The following HSD17B14 variants were observed in gnomAD, a reference collection of about 807,000 sequenced individuals.
The protein encoded by HSD17B14 is L-fucose dehydrogenase.
HSD17B14 carries 32 observed loss-of-function variants against 32.2 expected under a neutral mutation model. That is an observed-to-expected ratio of 0.99 (90% CI 0.75 to 1.33). The LOEUF (loss-of-function observed/expected upper bound fraction) is 1.33, where lower values mean the gene tolerates loss of function less well. Ranked by LOEUF, HSD17B14 falls within the 40% of genes most tolerant of loss-of-function variation. The probability of loss-of-function intolerance (pLI) is 0.00; values close to 1 mark genes in which losing one functional copy is unlikely to be tolerated. For missense variants in HSD17B14, 370 were observed against 366.5 expected (o/e 1.01, Z -0.08); for synonymous variants, 140 against 155.4 (o/e 0.90, Z 0.74).
At chr19:48,823,938 G>T (rs967175503) in intron 5 of HSD17B14, among the ~76,000 whole-genome samples, 1 of 150,026 alleles carries the variant, frequency 6.7e-6, no homozygotes, top group African/African-American at 2.4e-5. Flanking sequence ...ACTGCATCCG[G>T]TCTATTTTTC....
At chr19:48,825,669 C>A (rs1157996533) in intron 5 of HSD17B14, among the ~76,000 whole-genome samples, 2 of 152,006 alleles carry the variant, frequency 1.3e-5, no homozygotes, top group African/African-American at 4.8e-5. Context: ...CACAATTGGC[C>A]CCATTTCACA....
At chr19:48,822,947 G>A (rs962091677) in intron 5 of HSD17B14, among the ~76,000 whole-genome samples, 18 of 152,114 alleles carry the variant, frequency 1.2e-4, no homozygotes, top group African/African-American at 4.1e-4. Flanking sequence ...TGGAAATAAC[G>A]ATGGTGATAA....
chr19:48,821,857 GATA>G (rs1359623555), intron 5 of HSD17B14, among the ~76,000 whole-genome samples: 14 of 152,002 alleles, frequency 9.2e-5, no homozygotes, highest in African/African-American at 2.7e-4. Context: ...GGATGATGAT[GATA>G]ATGATAGTGA....
chr19:48,831,024 G>C (rs2035327944), intron 5 of HSD17B14, among the ~76,000 whole-genome samples: 2 of 151,792 alleles, frequency 1.3e-5, no homozygotes, highest in Non-Finnish European at 2.9e-5. Context: ...TGTAGAGATG[G>C]GGGGTTTCGC....
At chr19:48,814,881 C>T (rs893360770) in intron 6 of HSD17B14, among the ~76,000 whole-genome samples, 156 bp downstream of exon 6, 12 of 151,690 alleles carry the variant, frequency 7.9e-5, no homozygotes, top group Admixed American at 6.6e-4. Flanking sequence ...AGAAATCTGT[C>T]ACAGGCAGTT....
At chr19:48,826,503 A>C (rs2035248427) in intron 5 of HSD17B14, among the ~76,000 whole-genome samples, 1 of 121,060 alleles carries the variant, frequency 8.3e-6, no homozygotes, top group Non-Finnish European at 1.7e-5. Flanking sequence ...AAAAAAAAAA[A>C]AAAAAAAGTA....
Position 48,825,107 on chromosome 19 carries a change from G to A in HSD17B14, c.369+6561C>T, listed in dbSNP as rs556456152. 2.6e-5 allele frequency among the ~76,000 whole-genome samples: 4 copies of A among 151,996 alleles called. 1 individual carries two copies. Among genetic ancestry groups the A allele is most frequent in the South Asian group, 4.2e-4 (2 of 4,802 alleles). On this transcript the variant is annotated intron_variant, in intron 5 of 8. Coordinates refer to ENST00000263278, the MANE Select transcript of HSD17B14 (RefSeq NM_016246.3). ...ACAAAAATTAGCCAGGTGTGGTGGC[G>A]TGTGCCTGTAGTCCCAGCTATTTGG...
At position 48,831,682 on chromosome 19, in the gene HSD17B14, A is replaced by T. The variant is rs763286489; in HGVS notation, c.355T>A (p.Tyr119Asn). ...QLLELNLLGT[Y>N]TLTKLALPYL... is the part of the protein sequence containing the mutation. ...CCAGCCCTCACCTTGGTCAAGGTGT[A>T]CGTCCCCAGTAGGTTCAGCTCCAGC... Residue 119 changes from tyrosine to asparagine, a missense_variant, in exon 5 of 9, where the codon TAC becomes AAC. By Grantham distance (143) the Tyr-to-Asn change is moderately radical. Transcript: ENST00000263278. 1.1e-5 allele frequency: 17 copies of T among 1,613,668 alleles called. No individual in the cohort carries two copies. The South Asian group carries it at 1.6e-4, about 16-fold the overall frequency.
chr19:48,815,024 G>A lies in HSD17B14; in HGVS notation c.474+13C>T. 2 of 1,599,240 alleles carry A rather than the reference G, an allele frequency of 1.3e-6. No homozygotes were observed. Among genetic ancestry groups the A allele is most frequent in the Non-Finnish European group, 1.7e-6 (2 of 1,167,014 alleles). On this transcript the variant is annotated intron_variant, in intron 6 of 8. Transcript: ENST00000263278. Reference sequence around the variant, plus strand: ...GGAGTAGGGAGGGAAGGAAGGGGTAGGGGCTGCCATACCTTGGTGGCCACA... The same window carrying A: ...GGAGTAGGGAGGGAAGGAAGGGGTAAGGGCTGCCATACCTTGGTGGCCACA...
At chr19:48,828,214 G>C (rs1320815697) in intron 5 of HSD17B14, among the ~76,000 whole-genome samples, 1 of 152,178 alleles carries the variant, frequency 6.6e-6, no homozygotes, top group Non-Finnish European at 1.5e-5. Flanking sequence ...TACAAAAGTT[G>C]TTCATCAGGA....
chr19:48,819,740 C>T (rs1377337060), intron 5 of HSD17B14, among the ~76,000 whole-genome samples: 2 of 152,322 alleles, frequency 1.3e-5, no homozygotes, highest in Middle Eastern at 3.4e-3. Flanking sequence ...TAAAGCAAAA[C>T]ACACTCTTCT....
At position 48,820,904 on chromosome 19, in the gene HSD17B14, A is replaced by C. The variant is rs148860617; in HGVS notation, c.370-5763T>G. Among the ~76,000 whole-genome samples, 756 of 152,126 alleles carry C rather than the reference A, an allele frequency of 5.0e-3. 6 individuals carry two copies. The highest frequency in any genetic ancestry group is 0.017 in the African/African-American group (709 of 41,530). On this transcript the variant is annotated intron_variant, in intron 5 of 8. Coordinates refer to ENST00000263278, the MANE Select transcript of HSD17B14 (RefSeq NM_016246.3). The stretch of plus-strand genomic sequence containing the variant: ...AAATAAGTAGAGACAGGTTTTCACC[A>C]TATTGGCCAGGCTGGTCTCAAACCC...
At chr19:48,828,925 G>C (rs987235163) in intron 5 of HSD17B14, among the ~76,000 whole-genome samples, 1 of 151,882 alleles carries the variant, frequency 6.6e-6, no homozygotes, top group African/African-American at 2.4e-5. Flanking sequence ...AGCCAGGCGT[G>C]GTGGTGAGTG....
At chr19:48,834,199 G>C in intron 3 of HSD17B14, 77 bp downstream of exon 3, 1 of 1,162,576 alleles carries the variant, frequency 8.6e-7, no homozygotes, top group South Asian at 1.3e-5. Flanking sequence ...AGAGGGAAAG[G>C]CATATGCAAA....
At chr19:48,819,966 T>A (rs564360032) in intron 5 of HSD17B14, among the ~76,000 whole-genome samples, 1 of 151,484 alleles carries the variant, frequency 6.6e-6, no homozygotes, top group Admixed American at 6.6e-5. Flanking sequence ...CTGGACAACA[T>A]GGTGAGACTC....
At chr19:48,820,255 C>T (rs1175596010) in intron 5 of HSD17B14, among the ~76,000 whole-genome samples, 33 of 152,118 alleles carry the variant, frequency 2.2e-4, no homozygotes, top group South Asian at 8.3e-4. Context: ...AGGTGGATCA[C>T]CTAAGGTCAA....
intron 5 of HSD17B14, among the ~76,000 whole-genome samples, chr19:48,823,759 T>C (rs1295769618): frequency 6.6e-6 from 1 of 150,790 alleles, no homozygotes; most frequent in Non-Finnish European, 1.5e-5. Context: ...TGCCTCAGCC[T>C]CCCGAGTAGC....
At chr19:48,815,210 C>T (rs762086662) in intron 5 of HSD17B14, 69 bp from the exon 6 acceptor site, 26 of 1,187,838 alleles carry the variant, frequency 2.2e-5, no homozygotes, top group Non-Finnish European at 3.1e-5. Context: ...AACACAGCCA[C>T]AGCCATCCTG....
chr19:48,832,912 C>T lies in HSD17B14; in HGVS notation c.211-180G>A, dbSNP rs922832929. 5.3e-5 allele frequency among the ~76,000 whole-genome samples: 8 copies of T among 151,762 alleles called. No individual in the cohort carries two copies. In the East Asian group the frequency reaches 1.2e-3, roughly 22 times the overall value. ...GGGATTACAGGCGACTGCCACCACG[C>T]CCGGCTAATTTTTGTACTTTTTAGT... is the stretch of plus-strand genomic sequence containing the variant. On this transcript the variant is annotated intron_variant, in intron 3 of 8. Coordinates refer to ENST00000263278, the MANE Select transcript of HSD17B14 (RefSeq NM_016246.3).
Sources: gnomAD v4.1 joint callset for allele counts (sites outside exome capture counted in the v4.1 genomes callset) on GRCh38, gnomAD v4.1.1 for gene constraint, MANE v1.5 for transcripts, NCBI Gene and HGNC (gene_info 2026-07-23, HGNC 2026-07-21) for gene names.